Variants in XPR1 observed in about 807,000 individuals in gnomAD.
XPR1 encodes solute carrier family 53 member 1.
XPR1 carries 28 observed loss-of-function variants against 87.5 expected under a neutral mutation model. The ratio of observed to expected loss-of-function variants is 0.32; its 90% confidence interval spans 0.24 to 0.44. The LOEUF (loss-of-function observed/expected upper bound fraction) is 0.44, where lower values mean the gene tolerates loss of function less well. Ranked by LOEUF, XPR1 falls within the 20% of genes least tolerant of loss-of-function variation. The pLI, the probability that XPR1 is intolerant of heterozygous loss-of-function variation, is 1.00. For missense variants in XPR1, 559 were observed against 862.3 expected (o/e 0.65, Z 4.41); for synonymous variants, 300 against 306.1 (o/e 0.98, Z 0.21).
rs572164565 is a variant in XPR1 at position 180,857,000 on chromosome 1, C to CA, written c.1502-6702dup. 1.1e-3 allele frequency among the ~76,000 whole-genome samples: 174 copies of CA among 152,070 alleles called. 2 individuals carry two copies. Among genetic ancestry groups the CA allele is most frequent in the Admixed American group, 2.4e-3 (37 of 15,288 alleles). The stretch of plus-strand genomic sequence containing the variant: ...TGGATCTTGAAGACTTAGTTTGAAA[C>CA]AAAAAACTGTGAAGGATATCAATTT... On this transcript the variant is annotated intron_variant, in intron 11 of 14. Transcript: ENST00000367590.
rs200044209 is a variant in XPR1 at position 180,744,650 on chromosome 1, C to CTTTTTTTTTTTTTTTTTT, written c.122-43100_122-43099insTTTTTTTTTTTTTTTTTT. On this transcript the variant is annotated intron_variant, in intron 2 of 14. Coordinates refer to ENST00000367590, the MANE Select transcript of XPR1 (RefSeq NM_004736.4). ...ACTTGTTCAGGTTTAGGCACAATTT[C>CTTTTTTTTTTTTTTTTTT]TTTCTTTTTTTTTTTTTTGAGACAG... is the stretch of plus-strand genomic sequence containing the variant. Among the ~76,000 whole-genome samples the CTTTTTTTTTTTTTTTTTT allele has an allele frequency of 1.4e-3, 77 of 56,938 alleles. 13 individuals carry two copies. Among genetic ancestry groups the CTTTTTTTTTTTTTTTTTT allele is most frequent in the African/African-American group, 3.1e-3 (53 of 17,138 alleles). 37.4% of individuals were successfully genotyped at this position (56,938 alleles called of 152,430 possible).
chr1:180,865,772 TAAA>T (rs1329307267), intron 12 of XPR1, among the ~76,000 whole-genome samples: 2 of 152,232 alleles, frequency 1.3e-5, no homozygotes, highest in Admixed American at 6.5e-5. Context: ...TTCTAGGTAA[TAAA>T]ATTAGTGAAT....
intron 9 of XPR1, among the ~76,000 whole-genome samples, chr1:180,829,403 A>G (rs577326819): frequency 1.4e-4 from 21 of 152,278 alleles, no homozygotes; most frequent in Admixed American, 8.5e-4. Context: ...TTAAGAAGAG[A>G]AGGAGGAGTG....
intron 11 of XPR1, among the ~76,000 whole-genome samples, chr1:180,857,416 G>T (rs12080368): frequency 0.023 from 3,454 of 152,244 alleles, 136 homozygotes; most frequent in African/African-American, 0.078. Context: ...TAGTAAATAA[G>T]ATTCACTGTT....
intron 2 of XPR1, among the ~76,000 whole-genome samples, chr1:180,722,579 GTTATT>G (rs1185314312): frequency 2.0e-5 from 3 of 152,122 alleles, no homozygotes; most frequent in Admixed American, 6.5e-5. Flanking sequence ...GAATACAAAT[GTTATT>G]TTATCAGTTT....
intron 2 of XPR1, among the ~76,000 whole-genome samples, chr1:180,697,739 T>C (rs1336898062): frequency 1.3e-5 from 2 of 152,182 alleles, no homozygotes; most frequent in African/African-American, 4.8e-5. Flanking sequence ...TTAATTTTCA[T>C]GTATTTGTAT....
At position 180,811,290 on chromosome 1, in the gene XPR1, C is replaced by T. The variant is rs1165415751; in HGVS notation, c.682-117C>T. 2.5e-5 allele frequency: 21 copies of T among 828,780 alleles called. No homozygotes were observed. The South Asian group carries it at 3.1e-4, about 12-fold the overall frequency. 51.3% of individuals were successfully genotyped at this position (828,780 alleles called of 1,614,324 possible). A position where few individuals can be genotyped will look rare whatever the true frequency, so the allele number is the denominator to read the frequency against. ...GGTTCAGATTTATAAAAATTTAGAA[C>T]ATTAAATATTATTTTCATGGTAGAA... On this transcript the variant is annotated intron_variant, in intron 6 of 14. Coordinates refer to ENST00000367590, the MANE Select transcript of XPR1 (RefSeq NM_004736.4).
intron 13 of XPR1, among the ~76,000 whole-genome samples, chr1:180,874,951 C>T (rs1174066905): frequency 6.6e-6 from 1 of 152,168 alleles, no homozygotes; most frequent in Non-Finnish European, 1.5e-5. Context: ...AACATATTTC[C>T]TTCAGTGATA....
chr1:180,751,462 GT>G (rs1647532921), intron 2 of XPR1, among the ~76,000 whole-genome samples: 1 of 152,034 alleles, frequency 6.6e-6, no homozygotes, highest in African/African-American at 2.4e-5. Flanking sequence ...GAAAATATGG[GT>G]TTCTGATTTT....
chr1:180,804,244 G>T (rs1376644288), intron 4 of XPR1, among the ~76,000 whole-genome samples: 1 of 152,162 alleles, frequency 6.6e-6, no homozygotes, highest in Non-Finnish European at 1.5e-5. Context: ...CCCGAGTGCT[G>T]GGATTACAGG....
chr1:180,786,765 GAC>G (rs1649156365), intron 2 of XPR1, among the ~76,000 whole-genome samples: 1 of 152,148 alleles, frequency 6.6e-6, no homozygotes, highest in South Asian at 2.1e-4. Context: ...GCAGCAACTA[GAC>G]AGACATATGC....
intron 3 of XPR1, 31 bp from the exon 4 acceptor site, chr1:180,803,357 T>C (rs1649864017): frequency 6.3e-7 from 1 of 1,580,650 alleles, no homozygotes; most frequent in Admixed American, 1.8e-5. Context: ...TTTATCTTAC[T>C]GATTTGACAG....
chr1:180,639,567 T>A (rs981645393), intron 1 of XPR1, among the ~76,000 whole-genome samples: 4 of 152,288 alleles, frequency 2.6e-5, no homozygotes, highest in Admixed American at 2.6e-4. Context: ...GGACTGAAAT[T>A]TAATCATAGA....
intron 9 of XPR1, among the ~76,000 whole-genome samples, chr1:180,826,717 T>G (rs1166567389): frequency 6.6e-6 from 1 of 152,226 alleles, no homozygotes; most frequent in Non-Finnish European, 1.5e-5. Context: ...TCTTTTTCAC[T>G]TTATAAGTAT....
Position 180,632,143 on chromosome 1 carries a change from T to A in XPR1, c.-59T>A. On this transcript the variant is annotated 5_prime_UTR_variant, in exon 1 of 15. Transcript: ENST00000367590. ...CCATGTGGGGAGGAGTCGGAGTCGC[T>A]GTTGCCGCCGCCGCCTGTAGCTGCT... 1 of 1,561,596 alleles carries A rather than the reference T, an allele frequency of 6.4e-7. No individual in the cohort carries two copies. The highest frequency in any genetic ancestry group is 8.7e-7 in the Non-Finnish European group (1 of 1,151,492).
intron 11 of XPR1, among the ~76,000 whole-genome samples, chr1:180,856,649 T>C (rs555831877): frequency 2.0e-5 from 3 of 152,168 alleles, no homozygotes; most frequent in Admixed American, 6.5e-5. Context: ...GGTTAAAAAC[T>C]AGGAGTTATT....
chr1:180,792,356 C>A (rs1013784224), intron 3 of XPR1, among the ~76,000 whole-genome samples: 3 of 152,186 alleles, frequency 2.0e-5, no homozygotes, highest in African/African-American at 7.2e-5. Flanking sequence ...AAAGGCCAAA[C>A]AATCAAAATA....
At chr1:180,743,643 A>G (rs1171939943) in intron 2 of XPR1, among the ~76,000 whole-genome samples, 3 of 152,140 alleles carry the variant, frequency 2.0e-5, no homozygotes, top group Admixed American at 2.0e-4. Context: ...CAGCTATCCA[A>G]AGAAATTCCT....
At chr1:180,666,977 G>A (rs1035795477) in intron 1 of XPR1, among the ~76,000 whole-genome samples, 7 of 151,500 alleles carry the variant, frequency 4.6e-5, no homozygotes, top group East Asian at 3.9e-4. Context: ...GTGCAGTGGC[G>A]CAATCTTGGC....
Sources: gnomAD v4.1 joint callset for allele counts (sites outside exome capture counted in the v4.1 genomes callset) on GRCh38, gnomAD v4.1.1 for gene constraint, MANE v1.5 for transcripts, NCBI Gene and HGNC (gene_info 2026-07-23, HGNC 2026-07-21) for gene names.